Variants in DOCK5 observed in about 807,000 individuals in gnomAD.
The protein encoded by DOCK5 is dedicator of cytokinesis 5, also known as dedicator of cytokinesis protein 5.
In DOCK5, 142 loss-of-function variants were observed where a neutral mutation model predicts 251.8. That is an observed-to-expected ratio of 0.56 (90% CI 0.49 to 0.65). DOCK5 has a LOEUF of 0.65. Ranked by LOEUF, DOCK5 falls within the 30% of genes least tolerant of loss-of-function variation. The probability of loss-of-function intolerance (pLI) is 0.00; values close to 1 mark genes in which losing one functional copy is unlikely to be tolerated. For missense variants in DOCK5, 2,111 were observed against 2,312.3 expected (o/e 0.91, Z 1.79); for synonymous variants, 842 against 835.5 (o/e 1.01, Z -0.13).
In DOCK5 at chr8:25,372,633, T is replaced by C; in HGVS notation, c.3599T>C (p.Leu1200Pro). 1 of 1,609,622 alleles carries C rather than the reference T, an allele frequency of 6.2e-7. No homozygotes were observed. Among genetic ancestry groups the C allele is most frequent in the Non-Finnish European group, 8.5e-7 (1 of 1,178,172 alleles). The change falls in exon 35 of 52, where the codon CTC (leucine) becomes CCC (proline). Residue 1200 changes from leucine (L) to proline (P), a missense_variant. Around this residue, in one of 3 missense-constraint regions of DOCK5, gnomAD observed 1,717 missense variants for 1,892.4 expected, o/e 0.91. Coordinates refer to ENST00000276440, the MANE Select transcript of DOCK5 (RefSeq NM_024940.8). ...GEVFALLVSS[L>P]LENLLDYRTI... ...GTCTTCGCCCTCCTGGTCAGCAGCC[T>C]CTTAGAGAACCTGCTGGACTATAGA...
intron 20 of DOCK5, among the ~76,000 whole-genome samples, chr8:25,333,549 G>C (rs1010118284): frequency 3.9e-5 from 6 of 152,154 alleles, no homozygotes; most frequent in Non-Finnish European, 8.8e-5. Context: ...GGCATAGATG[G>C]AAATCCCAAA....
intron 6 of DOCK5, among the ~76,000 whole-genome samples, chr8:25,294,152 G>A (rs1024643496): frequency 3.9e-5 from 6 of 152,086 alleles, no homozygotes; most frequent in African/African-American, 1.4e-4. Flanking sequence ...CCCCACAAAC[G>A]GCAGAACATG....
At chr8:25,340,095 G>C (rs1805916214) in intron 22 of DOCK5, among the ~76,000 whole-genome samples, 1 of 152,178 alleles carries the variant, frequency 6.6e-6, no homozygotes, top group South Asian at 2.1e-4. Flanking sequence ...AGGTGATGCT[G>C]TTTGCTGACA....
At chr8:25,274,945 G>A (rs75699138) in intron 3 of DOCK5, among the ~76,000 whole-genome samples, 5,405 of 152,132 alleles carry the variant, frequency 0.036, 301 homozygotes, top group African/African-American at 0.12. Context: ...TGGGAAGGAG[G>A]TTTCTGGAAC....
At chr8:25,293,899 G>C (rs2117154446) in intron 6 of DOCK5, among the ~76,000 whole-genome samples, 1 of 152,326 alleles carries the variant, frequency 6.6e-6, no homozygotes, top group African/African-American at 2.4e-5. Flanking sequence ...AGCTACTTGG[G>C]AGGCTGAGGC....
intron 44 of DOCK5, among the ~76,000 whole-genome samples, chr8:25,395,195 C>T (rs1374076950): frequency 5.3e-5 from 8 of 152,086 alleles, no homozygotes; most frequent in South Asian, 2.1e-4. Context: ...GTGCAGTTCA[C>T]GATAGAGTTT....
At chr8:25,349,487 A>T (rs972893864) in intron 26 of DOCK5, among the ~76,000 whole-genome samples, 3 of 152,244 alleles carry the variant, frequency 2.0e-5, no homozygotes, top group Non-Finnish European at 4.4e-5. Context: ...ATAGCAGCAC[A>T]ATTTGCAATA....
intron 46 of DOCK5, among the ~76,000 whole-genome samples, chr8:25,400,497 C>CAAAAAGAAA (rs1801419552): frequency 1.3e-5 from 1 of 76,366 alleles, no homozygotes; most frequent in Non-Finnish European, 2.4e-5. Context: ...GACTCCATCT[C>CAAAAAGAAA]AAAAAAAAAA....
intron 40 of DOCK5, among the ~76,000 whole-genome samples, chr8:25,388,422 T>C (rs1263606786): frequency 1.3e-5 from 2 of 152,130 alleles, no homozygotes; most frequent in African/African-American, 4.8e-5. Context: ...CTCCCATGCC[T>C]GGGGCCTAGG....
chr8:25,308,188 G>A (rs928083789), intron 11 of DOCK5, among the ~76,000 whole-genome samples: 8 of 152,096 alleles, frequency 5.3e-5, no homozygotes, highest in Non-Finnish European at 1.0e-4. Context: ...ACAAGCCGCA[G>A]CCTGATAAGG....
intron 1 of DOCK5, among the ~76,000 whole-genome samples, chr8:25,242,327 A>G (rs1237857075): frequency 7.2e-5 from 11 of 152,116 alleles, no homozygotes; most frequent in Non-Finnish European, 1.5e-5. Context: ...TTCTCTTTGT[A>G]GGTACCTAGG....
At chr8:25,410,703 C>T (rs552880222) in intron 51 of DOCK5, among the ~76,000 whole-genome samples, 599 of 53,130 alleles carry the variant, frequency 0.011, 2 homozygotes, top group Non-Finnish European at 0.018. Flanking sequence ...CTCAAGTGAT[C>T]CCCCCCACCC....
chr8:25,264,363 C>G (rs750213071), intron 2 of DOCK5, among the ~76,000 whole-genome samples: 2 of 150,896 alleles, frequency 1.3e-5, no homozygotes, highest in Non-Finnish European at 3.0e-5. Flanking sequence ...GAGTGAGATC[C>G]TGCCACAAGA....
chr8:25,232,800 A>G lies in DOCK5; in HGVS notation c.44-10874A>G, dbSNP rs549146247. 3.3e-5 allele frequency among the ~76,000 whole-genome samples: 5 copies of G among 152,260 alleles called. No individual in the cohort carries two copies. In the South Asian group the frequency reaches 1.0e-3, roughly 32 times the overall value. On this transcript the variant is annotated intron_variant, in intron 1 of 51. Coordinates refer to ENST00000276440, the MANE Select transcript of DOCK5 (RefSeq NM_024940.8). ...ACAAACATTCAGTCTGTAACACTGCACTACCGAGTACTTAGTACCCTTCTG... is the reference window on the plus strand; with the variant it reads ...ACAAACATTCAGTCTGTAACACTGCGCTACCGAGTACTTAGTACCCTTCTG...
intron 1 of DOCK5, among the ~76,000 whole-genome samples, chr8:25,213,638 T>G (rs1381452615): frequency 6.6e-6 from 1 of 152,180 alleles, no homozygotes; most frequent in African/African-American, 2.4e-5. Context: ...CAGGGAGGAA[T>G]GAACTTTCTT....
chr8:25,230,100 T>G (rs961480438), intron 1 of DOCK5, among the ~76,000 whole-genome samples: 17 of 152,202 alleles, frequency 1.1e-4, no homozygotes, highest in Middle Eastern at 3.2e-3. Flanking sequence ...CTGGTGTGAT[T>G]AAATATTATG....
intron 27 of DOCK5, among the ~76,000 whole-genome samples, chr8:25,353,511 T>G (rs372364612): frequency 6.6e-6 from 1 of 152,254 alleles, no homozygotes; most frequent in South Asian, 2.1e-4. Flanking sequence ...GGAGAATTCC[T>G]CATGTAAAAT....
At chr8:25,219,287 A>G (rs924724914) in intron 1 of DOCK5, among the ~76,000 whole-genome samples, 2 of 151,788 alleles carry the variant, frequency 1.3e-5, no homozygotes, top group Non-Finnish European at 2.9e-5. Flanking sequence ...TAATTGCTTC[A>G]TTTCTATGTC....
intron 51 of DOCK5, among the ~76,000 whole-genome samples, chr8:25,410,711 C>G (rs542784039): frequency 2.2e-3 from 24 of 10,712 alleles, no homozygotes; most frequent in Middle Eastern, 0.05. Flanking sequence ...ATCCCCCCCA[C>G]CCACCTCAGC....
Sources: allele counts gnomAD v4.1 joint callset (sites outside exome capture counted in the v4.1 genomes callset), GRCh38; gene constraint gnomAD v4.1.1; regional missense constraint gnomAD v4.1.1; transcripts MANE v1.5; gene names NCBI Gene and HGNC (gene_info 2026-07-23, HGNC 2026-07-21).